Variants in SLC4A10 observed in about 807,000 individuals in gnomAD.
The protein encoded by SLC4A10 is solute carrier family 4 member 10.
A neutral mutation model predicts 137.7 loss-of-function variants in SLC4A10; 42 were observed. The ratio of observed to expected loss-of-function variants is 0.30; its 90% CI spans 0.24 to 0.39. SLC4A10 has a LOEUF of 0.39. Ranked by LOEUF, SLC4A10 falls within the 10% of genes least tolerant of loss-of-function variation. The pLI, the probability that SLC4A10 is intolerant of heterozygous loss-of-function variation, is 1.00. For missense variants in SLC4A10, 925 were observed against 1,355.0 expected, an observed-to-expected ratio of 0.68 and a Z score of 4.98; for synonymous variants, 474 against 464.1, an observed-to-expected ratio of 1.02 and a Z score of -0.27.
intron 15 of SLC4A10, among the ~76,000 whole-genome samples, chr2:161,929,129 G>A (rs1453871256): frequency 6.6e-6 from 1 of 151,830 alleles, no homozygotes; most frequent in African/African-American, 2.4e-5. Context: ...AATTCTATTT[G>A]TTAGCAACCA....
At chr2:161,946,941 C>T (rs1368867248) in intron 16 of SLC4A10, among the ~76,000 whole-genome samples, 1 of 152,048 alleles carries the variant, frequency 6.6e-6, no homozygotes, top group Non-Finnish European at 1.5e-5. Flanking sequence ...TTTCTTGTTG[C>T]CTTTCTCATC....
intron 6 of SLC4A10, among the ~76,000 whole-genome samples, chr2:161,865,339 C>T (rs1477668049): frequency 6.6e-6 from 1 of 151,896 alleles, no homozygotes; most frequent in African/African-American, 2.4e-5. Flanking sequence ...TTTCTGAGAG[C>T]CTGCTTTTTG....
intron 2 of SLC4A10, among the ~76,000 whole-genome samples, chr2:161,780,154 A>G (rs779608033): frequency 5.3e-5 from 8 of 152,072 alleles, no homozygotes; most frequent in Non-Finnish European, 1.0e-4. Context: ...ATGCTTTTAT[A>G]GCACAGTGGA....
intron 15 of SLC4A10, among the ~76,000 whole-genome samples, chr2:161,908,738 G>A (rs1462365362): frequency 6.6e-6 from 1 of 151,846 alleles, no homozygotes; most frequent in Admixed American, 6.6e-5. Context: ...GTGGGAAACA[G>A]AATGCCTTTT....
intron 1 of SLC4A10, among the ~76,000 whole-genome samples, chr2:161,633,967 T>G (rs2034005801): frequency 1.3e-5 from 2 of 151,852 alleles, no homozygotes. Context: ...CATATCCTTT[T>G]CATCCACCTT....
chr2:161,961,547 CTTTTTT>C (rs34418446), intron 21 of SLC4A10, among the ~76,000 whole-genome samples: 10 of 137,444 alleles, frequency 7.3e-5, no homozygotes, highest in Non-Finnish European at 1.1e-4. Flanking sequence ...TTCTTTTTCC[CTTTTTT>C]TTTTTTTTTG....
chr2:161,707,538 C>G (rs1281315787), intron 1 of SLC4A10, among the ~76,000 whole-genome samples: 3 of 150,406 alleles, frequency 2.0e-5, no homozygotes, highest in African/African-American at 7.3e-5. Context: ...GAAAGCATTT[C>G]CAATTATAAT....
intron 1 of SLC4A10, among the ~76,000 whole-genome samples, chr2:161,679,685 ACG>A (rs1491569242): frequency 7.7e-4 from 56 of 72,854 alleles, no homozygotes; most frequent in African/African-American, 3.7e-3. Flanking sequence ...TTGTAGGTCA[ACG>A]TGTGTGTGTG....
chr2:161,831,693 C>A (rs919379695), intron 3 of SLC4A10, among the ~76,000 whole-genome samples: 1 of 151,996 alleles, frequency 6.6e-6, no homozygotes, highest in African/African-American at 2.4e-5. Flanking sequence ...ATAATGAAAG[C>A]AAAATCCCAA....
intron 3 of SLC4A10, among the ~76,000 whole-genome samples, chr2:161,825,816 T>C (rs973168911): frequency 6.6e-6 from 1 of 152,218 alleles, no homozygotes; most frequent in Non-Finnish European, 1.5e-5. Context: ...GTTACAGCTC[T>C]TTCCGAAGAA....
chr2:161,845,710 C>A (rs2059448276), intron 4 of SLC4A10, among the ~76,000 whole-genome samples: 1 of 151,818 alleles, frequency 6.6e-6, no homozygotes, highest in Admixed American at 6.6e-5. Flanking sequence ...TGACAAAAGA[C>A]AAAAACTATT....
At chr2:161,847,884 T>C (rs770987176) in intron 4 of SLC4A10, among the ~76,000 whole-genome samples, 4 of 152,224 alleles carry the variant, frequency 2.6e-5, no homozygotes, top group Non-Finnish European at 5.9e-5. Flanking sequence ...CCATTGGTTA[T>C]ATACTGAGTA....
At chr2:161,688,496 C>T (rs1473857335) in intron 1 of SLC4A10, among the ~76,000 whole-genome samples, 1 of 152,116 alleles carries the variant, frequency 6.6e-6, no homozygotes, top group Non-Finnish European at 1.5e-5. Flanking sequence ...GTTAAGACTA[C>T]AACTATTACA....
chr2:161,719,353 A>G (rs1324741926), intron 1 of SLC4A10, among the ~76,000 whole-genome samples: 1 of 152,172 alleles, frequency 6.6e-6, no homozygotes, highest in East Asian at 1.9e-4. Flanking sequence ...GAATAGAGCC[A>G]CAATAAACAT....
rs192013621 is a variant in SLC4A10 at position 161,834,762 on chromosome 2, A to G, written c.278-5027A>G. Among the ~76,000 whole-genome samples the G allele has an allele frequency of 2.0e-5, 3 of 151,988 alleles. No individual in the cohort carries two copies. The East Asian group carries it at 5.8e-4, about 29-fold the overall frequency. On this transcript the variant is annotated intron_variant, in intron 3 of 26. Coordinates refer to ENST00000446997, the MANE Select transcript of SLC4A10 (RefSeq NM_001178015.2). Reference sequence around the variant, plus strand: ...CTCTTTCTATAACCATCAATCACTCATTCCATGGGGTGGATGAATGCCATG... The same window carrying G: ...CTCTTTCTATAACCATCAATCACTCGTTCCATGGGGTGGATGAATGCCATG...
In SLC4A10 at chr2:161,836,526, GAGAGAGAAAGAAAGAAAGAAAGAA is replaced by G. The variant is rs1203843485; in HGVS notation, c.278-3259_278-3236del. On this transcript the variant is annotated intron_variant, in intron 3 of 26. Transcript: ENST00000446997. ...AGAAAAAGAAAGAAAGAAAGAGAGA[GAGAGAGAAAGAAAGAAAGAAAGAA>G]AGAAAGAAAGAAAGAAAGAAAGAAA... Among the ~76,000 whole-genome samples the G allele has an allele frequency of 2.7e-4, 20 of 74,826 alleles. 3 individuals carry two copies. The East Asian group carries it at 5.2e-3, about 19-fold the overall frequency. The allele number at this position is 74,826 out of a possible 152,430, so 49.1% of individuals were successfully genotyped here.
intron 12 of SLC4A10, 53 bp downstream of exon 12, chr2:161,901,064 T>G (rs1482318226): frequency 1.6e-5 from 21 of 1,320,654 alleles, no homozygotes; most frequent in Non-Finnish European, 1.9e-5. Flanking sequence ...CATACCATTC[T>G]TCTCTGTCAG....
intron 1 of SLC4A10, among the ~76,000 whole-genome samples, chr2:161,767,498 A>G (rs1173877465): frequency 6.6e-6 from 1 of 151,604 alleles, no homozygotes; most frequent in Non-Finnish European, 1.5e-5. Flanking sequence ...CTAATCAGAA[A>G]AGCTAAGTGG....
intron 1 of SLC4A10, among the ~76,000 whole-genome samples, chr2:161,769,925 TGATGCTCCAATG>T (rs1300675123): frequency 7.2e-6 from 1 of 139,076 alleles, no homozygotes; most frequent in Non-Finnish European, 1.7e-5. Context: ...CCCCAATGTC[TGATGCTCCAATG>T]TAGTTGCTGG....
Sources: gnomAD v4.1 joint callset for allele counts (sites outside exome capture counted in the v4.1 genomes callset) on GRCh38, gnomAD v4.1.1 for gene constraint, MANE v1.5 for transcripts, NCBI Gene and HGNC (gene_info 2026-07-23, HGNC 2026-07-21) for gene names.